GPM6A: variants seen among roughly 807,000 people sequenced by gnomAD.
GPM6A encodes the protein neuronal membrane glycoprotein M6-a.
A neutral mutation model predicts 32.1 loss-of-function variants in GPM6A; 7 were observed. That is an observed-to-expected ratio of 0.22 (90% CI 0.12 to 0.41). The LOEUF is 0.41. GPM6A is among the 10% of genes least tolerant of loss of function. The pLI, the probability that GPM6A is intolerant of heterozygous loss-of-function variation, is 1.00. For missense variants in GPM6A, 235 were observed against 347.2 expected, an observed-to-expected ratio of 0.68 and a Z score of 2.57; for synonymous variants, 130 against 123.4, an observed-to-expected ratio of 1.05 and a Z score of -0.35.
At chr4:175,933,405 C>T (rs1175363998) in intron 1 of GPM6A, among the ~76,000 whole-genome samples, 1 of 152,110 alleles carries the variant, frequency 6.6e-6, no homozygotes, top group African/African-American at 2.4e-5. Context: ...TGAGGATGTA[C>T]AATGATACAG....
At chr4:175,878,419 C>G (rs1037666854) in intron 1 of GPM6A, among the ~76,000 whole-genome samples, 3 of 152,190 alleles carry the variant, frequency 2.0e-5, no homozygotes, top group African/African-American at 7.2e-5. Context: ...TCCATACATT[C>G]TCTGAAATCG....
At chr4:175,961,621 G>A (rs937349372) in intron 1 of GPM6A, among the ~76,000 whole-genome samples, 36 of 152,058 alleles carry the variant, frequency 2.4e-4, no homozygotes, top group African/African-American at 3.1e-4. Context: ...CACACTTTTC[G>A]GAGTTCTACC....
intron 1 of GPM6A, among the ~76,000 whole-genome samples, chr4:175,803,405 T>C (rs140357600): frequency 1.4e-4 from 22 of 152,256 alleles, no homozygotes; most frequent in African/African-American, 5.3e-4. Context: ...AAAAAGTTAT[T>C]AGTCCTTTAA....
intron 1 of GPM6A, among the ~76,000 whole-genome samples, chr4:175,832,185 TCAGGAA>T (rs1161440270): frequency 2.3e-4 from 35 of 152,116 alleles, no homozygotes; most frequent in African/African-American, 8.0e-4. Context: ...CTCAAAGAAT[TCAGGAA>T]CTCATTTAGT....
At chr4:175,664,487 A>G (rs1451197253) in intron 3 of GPM6A, among the ~76,000 whole-genome samples, 1 of 152,220 alleles carries the variant, frequency 6.6e-6, no homozygotes, top group Non-Finnish European at 1.5e-5. Context: ...ATTGCTGCCA[A>G]TTTAAAATTG....
intron 1 of GPM6A, among the ~76,000 whole-genome samples, chr4:175,825,331 C>T (rs940985085): frequency 5.3e-5 from 8 of 152,024 alleles, no homozygotes; most frequent in African/African-American, 1.9e-4. Flanking sequence ...ATGCAATATG[C>T]CCAAAGAAAT....
At chr4:175,737,622 A>G (rs1232959991) in intron 1 of GPM6A, among the ~76,000 whole-genome samples, 2 of 152,244 alleles carry the variant, frequency 1.3e-5, no homozygotes, top group African/African-American at 2.4e-5. Context: ...AATGAACAAT[A>G]ATTGAATACT....
intron 1 of GPM6A, among the ~76,000 whole-genome samples, chr4:175,713,745 T>C (rs1412120764): frequency 6.6e-6 from 1 of 152,260 alleles, no homozygotes. Flanking sequence ...AAAAGAAACA[T>C]CTTTAAACAG....
intron 1 of GPM6A, among the ~76,000 whole-genome samples, chr4:175,976,428 A>C (rs1301194418): frequency 6.6e-6 from 1 of 151,804 alleles, no homozygotes; most frequent in Non-Finnish European, 1.5e-5. Context: ...GGCCTCCCAA[A>C]GTGCTGGGAT....
intron 1 of GPM6A, among the ~76,000 whole-genome samples, chr4:175,914,521 T>C (rs1738426689): frequency 6.6e-6 from 1 of 152,102 alleles, no homozygotes; most frequent in Non-Finnish European, 1.5e-5. Context: ...CAGGGTTTCA[T>C]CATGTTGGCC....
At chr4:175,879,991 GT>G (rs748153675) in intron 1 of GPM6A, among the ~76,000 whole-genome samples, 11 of 152,056 alleles carry the variant, frequency 7.2e-5, no homozygotes, top group South Asian at 6.2e-4. Context: ...TATTGCTTAG[GT>G]TTTCTTCTAG....
At chr4:175,956,643 G>T (rs1739995639) in intron 1 of GPM6A, among the ~76,000 whole-genome samples, 1 of 152,076 alleles carries the variant, frequency 6.6e-6, no homozygotes, top group Admixed American at 6.6e-5. Flanking sequence ...ACACAGAGGT[G>T]TTCAATTGAT....
At chr4:175,923,234 TATATATATATATAC>T (rs1338368907) in intron 1 of GPM6A, among the ~76,000 whole-genome samples, 718 of 24,754 alleles carry the variant, frequency 0.029, 12 homozygotes, top group African/African-American at 0.046. Flanking sequence ...TATATATATA[TATATATATATATAC>T]ACAACATACA....
intron 1 of GPM6A, among the ~76,000 whole-genome samples, chr4:175,822,649 T>G: frequency 2.1e-5 from 1 of 47,824 alleles, no homozygotes; most frequent in African/African-American, 3.8e-5. Flanking sequence ...ATTCTTTTCA[T>G]GCTTTTTTTT....
chr4:175,741,892 T>C (rs900906128), intron 1 of GPM6A, among the ~76,000 whole-genome samples: 39 of 152,234 alleles, frequency 2.6e-4, no homozygotes, highest in African/African-American at 9.1e-4. Flanking sequence ...GAAAATGTTT[T>C]GGTAAATTAA....
At chr4:175,948,382 C>A (rs1296098354) in intron 1 of GPM6A, among the ~76,000 whole-genome samples, 4 of 152,100 alleles carry the variant, frequency 2.6e-5, no homozygotes, top group Non-Finnish European at 4.4e-5. Context: ...AGAAGATGGC[C>A]ATCTGTGGGC....
chr4:175,837,548 A>C (rs569301182), intron 1 of GPM6A, among the ~76,000 whole-genome samples: 1 of 152,200 alleles, frequency 6.6e-6, no homozygotes, highest in Non-Finnish European at 1.5e-5. Flanking sequence ...AAATGGACAA[A>C]TTTTGGCAAT....
At chr4:175,636,058 CA>C (rs1170919101) in intron 6 of GPM6A, among the ~76,000 whole-genome samples, 1 of 151,498 alleles carries the variant, frequency 6.6e-6, no homozygotes, top group East Asian at 1.9e-4. Context: ...AGGTAGTCAA[CA>C]AACAGCAAAA....
intron 2 of GPM6A, among the ~76,000 whole-genome samples, chr4:175,697,845 C>T (rs1744665129): frequency 6.6e-6 from 1 of 152,036 alleles, no homozygotes; most frequent in Admixed American, 6.6e-5. Context: ...AGGCCAGCTC[C>T]CACTGGCAGG....
Sources: allele counts gnomAD v4.1 joint callset (sites outside exome capture counted in the v4.1 genomes callset), GRCh38; gene constraint gnomAD v4.1.1; transcripts MANE v1.5; gene names NCBI Gene and HGNC (gene_info 2026-07-23, HGNC 2026-07-21).